The following ARHGAP31 variants were observed in gnomAD, a reference collection of about 807,000 sequenced individuals.
The protein encoded by ARHGAP31 is rho GTPase-activating protein 31.
Under a neutral mutation model 113.9 loss-of-function variants are expected in ARHGAP31, and 34 were observed. The observed-to-expected ratio is 0.30, with a 90% CI of 0.23 to 0.40. The LOEUF is 0.40. Among genes scored for constraint, ARHGAP31 ranks in the 10% least tolerant of loss-of-function variants. ARHGAP31 has a pLI of 1.00. For missense variants in ARHGAP31, 1,548 were observed against 1,767.1 expected (o/e 0.88, Z 2.22); for synonymous variants, 650 against 684.8 (o/e 0.95, Z 0.79).
intron 1 of ARHGAP31, among the ~76,000 whole-genome samples, chr3:119,312,440 C>T (rs1265364123): frequency 2.0e-5 from 3 of 152,196 alleles, no homozygotes; most frequent in African/African-American, 4.8e-5. Context: ...CTCCTGGTCA[C>T]GCTTCTACTC....
chr3:119,312,523 G>A (rs1200879941), intron 1 of ARHGAP31, among the ~76,000 whole-genome samples: 1 of 152,158 alleles, frequency 6.6e-6, no homozygotes, highest in Non-Finnish European at 1.5e-5. Context: ...AATGCAGGAT[G>A]TGATTTAATA....
chr3:119,398,297 A>G (rs1359865254), intron 8 of ARHGAP31, among the ~76,000 whole-genome samples: 1 of 152,140 alleles, frequency 6.6e-6, no homozygotes, highest in Non-Finnish European at 1.5e-5. Flanking sequence ...AATAAATTTA[A>G]AAAAATGTTT....
At chr3:119,401,701 T>C (rs1018130751) in intron 9 of ARHGAP31, 121 bp from the exon 10 acceptor site, 2 of 900,564 alleles carry the variant, frequency 2.2e-6, no homozygotes, top group African/African-American at 1.7e-5. Context: ...TGGGCGGTTA[T>C]GCCCCTGTTA....
intron 1 of ARHGAP31, among the ~76,000 whole-genome samples, chr3:119,337,045 T>C (rs2079958020): frequency 6.6e-6 from 1 of 152,264 alleles, no homozygotes; most frequent in South Asian, 2.1e-4. Flanking sequence ...AGTTTATCCA[T>C]TCATCAGTTG....
chr3:119,296,967 T>A (rs771787968), intron 1 of ARHGAP31, among the ~76,000 whole-genome samples: 1 of 152,148 alleles, frequency 6.6e-6, no homozygotes, highest in Non-Finnish European at 1.5e-5. Flanking sequence ...TAATGATATT[T>A]TCCCCCTAAA....
intron 1 of ARHGAP31, among the ~76,000 whole-genome samples, chr3:119,337,193 G>A (rs9835104): frequency 0.29 from 44,312 of 152,002 alleles, 8,528 homozygotes; most frequent in African/African-American, 0.56. Flanking sequence ...TCTTAGAGAC[G>A]GTTTATCTGG....
intron 6 of ARHGAP31, among the ~76,000 whole-genome samples, chr3:119,385,055 G>A (rs529004250): frequency 6.6e-6 from 1 of 151,810 alleles, no homozygotes. Flanking sequence ...CTCCTGAGTA[G>A]CTGGGATTAC....
At chr3:119,336,760 T>G (rs372392910) in intron 1 of ARHGAP31, among the ~76,000 whole-genome samples, 1 of 152,308 alleles carries the variant, frequency 6.6e-6, no homozygotes, top group South Asian at 2.1e-4. Context: ...TTACAACATT[T>G]GCATCACCCT....
intron 6 of ARHGAP31, among the ~76,000 whole-genome samples, chr3:119,383,437 G>C (rs1012667524): frequency 2.0e-5 from 3 of 152,194 alleles, no homozygotes; most frequent in Non-Finnish European, 1.5e-5. Flanking sequence ...TGTGGCTTTA[G>C]CATGTTTCTA....
Position 119,383,964 on chromosome 3 carries a change from C to T in ARHGAP31, c.682+738C>T, listed in dbSNP as rs140820954. ...AACCAAGGTTACTGGACATCATCCC[C>T]AGAGTTTCTGCTTTAATATGTTTGG... is the stretch of plus-strand genomic sequence containing the variant. On this transcript the variant is annotated intron_variant, in intron 6 of 11. Coordinates refer to ENST00000264245, the MANE Select transcript of ARHGAP31 (RefSeq NM_020754.4). Among the ~76,000 whole-genome samples, 243 of 152,320 alleles carry T rather than the reference C, an allele frequency of 1.6e-3. 1 individual carries two copies. Among genetic ancestry groups the T allele is most frequent in the African/African-American group, 5.6e-3 (231 of 41,570 alleles).
intron 3 of ARHGAP31, among the ~76,000 whole-genome samples, chr3:119,376,086 T>C (rs1490052891): frequency 6.7e-6 from 1 of 149,000 alleles, no homozygotes; most frequent in African/African-American, 2.5e-5. Context: ...GAACTGTGTT[T>C]ATTTTATTTA....
chr3:119,337,021 T>C lies in ARHGAP31; in HGVS notation c.101-28295T>C, dbSNP rs80063632. On this transcript the variant is annotated intron_variant, in intron 1 of 11. Coordinates refer to ENST00000264245, the MANE Select transcript of ARHGAP31 (RefSeq NM_020754.4). ...TTTATTACCTAATAATATTCTATTCTATGGATATACCACAGTTTATCCATT... is the reference window on the plus strand; with the variant it reads ...TTTATTACCTAATAATATTCTATTCCATGGATATACCACAGTTTATCCATT... Among the ~76,000 whole-genome samples the C allele has an allele frequency of 2.8e-3, 420 of 152,382 alleles. 9 individuals are homozygous for C. In the East Asian group the frequency reaches 0.054, roughly 19 times the overall value.
At chr3:119,389,110 G>A (rs1410857133) in intron 6 of ARHGAP31, among the ~76,000 whole-genome samples, 7 of 152,040 alleles carry the variant, frequency 4.6e-5, no homozygotes, top group East Asian at 1.9e-4. Context: ...GCAGTGAGCC[G>A]AGATTGCACC....
intron 1 of ARHGAP31, among the ~76,000 whole-genome samples, chr3:119,322,990 C>T (rs1489829027): frequency 6.6e-6 from 1 of 152,248 alleles, no homozygotes; most frequent in East Asian, 1.9e-4. Flanking sequence ...TCTGCCCCGC[C>T]CCGGGGTCCG....
chr3:119,294,706 C>T lies in ARHGAP31; in HGVS notation c.-199C>T, dbSNP rs886057795. On this transcript the variant is annotated 5_prime_UTR_variant, in exon 1 of 12. Coordinates refer to ENST00000264245, the MANE Select transcript of ARHGAP31 (RefSeq NM_020754.4). ...CCTCGGCACGGCGGCCCCGGAGCGG[C>T]GCGGGGTGGATCTCAGGCTCTGCCG... 1.8e-5 allele frequency: 11 copies of T among 617,928 alleles called. No homozygotes were observed. The East Asian group carries it at 2.5e-4, about 14-fold the overall frequency. The allele number at this position is 617,928 out of a possible 1,614,324, so 38.3% of individuals were successfully genotyped here. A position where few individuals can be genotyped will look rare whatever the true frequency, so the allele number is the denominator to read the frequency against.
At chr3:119,392,060 A>C (rs1015015995) in intron 7 of ARHGAP31, among the ~76,000 whole-genome samples, 1 of 152,180 alleles carries the variant, frequency 6.6e-6, no homozygotes, top group Admixed American at 6.5e-5. Flanking sequence ...ACGCTACCCT[A>C]TAAAATATTA....
intron 1 of ARHGAP31, among the ~76,000 whole-genome samples, chr3:119,305,137 C>T (rs191294933): frequency 1.1e-3 from 173 of 152,244 alleles, no homozygotes; most frequent in African/African-American, 3.2e-3. Flanking sequence ...AAGCAAGACT[C>T]CAGCTGTGTC....
At chr3:119,391,374 C>G (rs1299540614) in intron 7 of ARHGAP31, among the ~76,000 whole-genome samples, 1 of 151,988 alleles carries the variant, frequency 6.6e-6, no homozygotes, top group Non-Finnish European at 1.5e-5. Context: ...TCCATCCCCA[C>G]GTGACGATAC....
intron 4 of ARHGAP31, 125 bp from the exon 5 acceptor site, chr3:119,382,167 A>G: frequency 1.0e-6 from 1 of 999,120 alleles, no homozygotes; most frequent in Non-Finnish European, 1.6e-6. Flanking sequence ...CATCTTTCCA[A>G]TGTCAATTCA....
Sources: allele counts gnomAD v4.1 joint callset (sites outside exome capture counted in the v4.1 genomes callset), GRCh38; gene constraint gnomAD v4.1.1; transcripts MANE v1.5; gene names NCBI Gene and HGNC (gene_info 2026-07-23, HGNC 2026-07-21).